GRM7: variants seen among roughly 807,000 people sequenced by gnomAD.
The protein encoded by GRM7 is glutamate metabotropic receptor 7.
A neutral mutation model predicts 84.5 loss-of-function variants in GRM7; 35 were observed. That is an observed-to-expected ratio of 0.41 (90% confidence interval 0.32 to 0.55). The LOEUF is 0.55. GRM7 is among the 20% of genes least tolerant of loss of function. GRM7 has a pLI of 0.19. For missense variants in GRM7, 1,003 were observed against 1,194.6 expected (o/e 0.84, Z 2.36); for synonymous variants, 487 against 455.1 (o/e 1.07, Z -0.89).
chr3:7,303,117 T>A (rs1176312121), intron 3 of GRM7, among the ~76,000 whole-genome samples: 2 of 152,042 alleles, frequency 1.3e-5, no homozygotes, highest in Non-Finnish European at 2.9e-5. Flanking sequence ...ATTTTTTGTA[T>A]TTTTAGTAGA....
At chr3:7,715,445 G>A (rs916096831) in intron 9 of GRM7, among the ~76,000 whole-genome samples, 18 of 152,208 alleles carry the variant, frequency 1.2e-4, no homozygotes, top group African/African-American at 3.9e-4. Context: ...TGCACTCCAC[G>A]CCATAGCATG....
At chr3:7,016,066 T>G (rs7618803) in intron 1 of GRM7, among the ~76,000 whole-genome samples, 65,396 of 152,004 alleles carry the variant, frequency 0.43, 14,540 homozygotes, top group South Asian at 0.58. Context: ...CAAAGTCATT[T>G]AGCTGTAAAT....
intron 4 of GRM7, among the ~76,000 whole-genome samples, chr3:7,405,422 G>A (rs1214010709): frequency 6.6e-6 from 1 of 152,140 alleles, no homozygotes; most frequent in Non-Finnish European, 1.5e-5. Context: ...ATTATATGTA[G>A]TGATCAATCA....
At chr3:7,587,839 G>A (rs1027222415) in intron 8 of GRM7, among the ~76,000 whole-genome samples, 9 of 152,138 alleles carry the variant, frequency 5.9e-5, no homozygotes, top group Non-Finnish European at 4.4e-5. Context: ...GAATCCCTTA[G>A]AGCAAAAGTT....
chr3:6,998,781 G>A (rs374540780), intron 1 of GRM7, among the ~76,000 whole-genome samples: 10 of 152,286 alleles, frequency 6.6e-5, no homozygotes, highest in East Asian at 3.9e-4. Flanking sequence ...CTGTACCTTG[G>A]CCCCTTTTAG....
At position 6,862,003 on chromosome 3, in the gene GRM7, A is replaced by T; in HGVS notation, c.519+96A>T. The T allele has an allele frequency of 9.7e-7, 1 of 1,027,642 alleles. No homozygotes were observed. Among genetic ancestry groups the T allele is most frequent in the Non-Finnish European group, 1.4e-6 (1 of 704,988 alleles). 63.7% of individuals were successfully genotyped at this position (1,027,642 alleles called of 1,614,324 possible). A position where few individuals can be genotyped will look rare whatever the true frequency, so the allele number is the denominator to read the frequency against. On this transcript the variant is annotated intron_variant, in intron 1 of 9. Coordinates refer to ENST00000357716, the MANE Select transcript of GRM7 (RefSeq NM_000844.4). This position sits in a 1 kb window ranked among gnomAD's most constrained non-coding sequence, Gnocchi z 5.2. ...GGACTCCGGTGGTGCGGGTCAGGTCAGCCTTCGCTCATTTCCTCCCTGGAG... is the reference window on the plus strand; with the variant it reads ...GGACTCCGGTGGTGCGGGTCAGGTCTGCCTTCGCTCATTTCCTCCCTGGAG...
intron 2 of GRM7, among the ~76,000 whole-genome samples, chr3:7,250,605 C>G (rs1249127136): frequency 6.6e-6 from 1 of 152,112 alleles, no homozygotes; most frequent in African/African-American, 2.4e-5. Flanking sequence ...CTCACTGTAA[C>G]CGCCACCTCC....
At chr3:6,997,138 G>C (rs569548534) in intron 1 of GRM7, among the ~76,000 whole-genome samples, 1 of 151,798 alleles carries the variant, frequency 6.6e-6, no homozygotes, top group Non-Finnish European at 1.5e-5. Context: ...AGCTCATTTG[G>C]CCTCTTATTT....
At chr3:7,042,042 C>T (rs954335153) in intron 1 of GRM7, among the ~76,000 whole-genome samples, 3 of 152,174 alleles carry the variant, frequency 2.0e-5, no homozygotes, top group African/African-American at 7.2e-5. Flanking sequence ...AACATGGAAG[C>T]TTCCCTACCT....
intron 2 of GRM7, among the ~76,000 whole-genome samples, chr3:7,248,608 A>G (rs976431393): frequency 6.6e-6 from 1 of 151,978 alleles, no homozygotes; most frequent in Admixed American, 6.6e-5. Context: ...ATTTTATTTG[A>G]AAAAAAAGAT....
At chr3:7,671,546 G>A (rs1271544257) in intron 8 of GRM7, among the ~76,000 whole-genome samples, 1 of 150,906 alleles carries the variant, frequency 6.6e-6, no homozygotes, top group African/African-American at 2.4e-5. Context: ...TGTCTGCCTG[G>A]AGATGTTAAA....
At chr3:6,987,571 C>T (rs1431011314) in intron 1 of GRM7, among the ~76,000 whole-genome samples, 4 of 152,078 alleles carry the variant, frequency 2.6e-5, no homozygotes, top group Non-Finnish European at 5.9e-5. Context: ...CAGGAGTGAA[C>T]GTGAGCATTC....
intron 1 of GRM7, among the ~76,000 whole-genome samples, chr3:7,048,740 A>G (rs1532545): frequency 0.58 from 88,107 of 151,498 alleles, 27,777 homozygotes; most frequent in African/African-American, 0.85. Context: ...TGGTACGAAC[A>G]CTTAAAGTCT....
chr3:7,349,738 T>C (rs756590519), intron 4 of GRM7, among the ~76,000 whole-genome samples: 26 of 152,168 alleles, frequency 1.7e-4, no homozygotes, highest in Middle Eastern at 3.2e-3. Context: ...CAAACAAGTT[T>C]ATATTTGAGC....
At chr3:7,255,012 G>A (rs992629947) in intron 2 of GRM7, among the ~76,000 whole-genome samples, 5 of 152,184 alleles carry the variant, frequency 3.3e-5, no homozygotes, top group African/African-American at 1.2e-4. Flanking sequence ...TTTGAGGGAT[G>A]AGCAAAGATT....
At chr3:7,508,692 T>G (rs1700107492) in intron 7 of GRM7, among the ~76,000 whole-genome samples, 1 of 152,200 alleles carries the variant, frequency 6.6e-6, no homozygotes, top group Non-Finnish European at 1.5e-5. Flanking sequence ...AAACGGTTCT[T>G]ACGGCATTTC....
rs563966923 is a variant in GRM7 at position 7,162,115 on chromosome 3, A to G, written c.736+15447A>G. Among the ~76,000 whole-genome samples the G allele has an allele frequency of 2.6e-5, 4 of 152,308 alleles. No individual in the cohort carries two copies. The East Asian group carries it at 7.7e-4, about 29-fold the overall frequency. ...GTAGGGATCGAGAGCCCTATTTTAG[A>G]CTTGTGAGGCTTGAAATGCCTACAG... On this transcript the variant is annotated intron_variant, in intron 2 of 9. Coordinates refer to ENST00000357716, the MANE Select transcript of GRM7 (RefSeq NM_000844.4).
chr3:6,901,232 GAGA>G (rs1257053471), intron 1 of GRM7, among the ~76,000 whole-genome samples: 2 of 152,134 alleles, frequency 1.3e-5, no homozygotes, highest in East Asian at 3.9e-4. Flanking sequence ...AGATCCATCT[GAGA>G]AGTACAAATA....
rs934691877 is a variant in GRM7, at chr3:6,987,849, G to A, written c.519+125942G>A. On this transcript the variant is annotated intron_variant, in intron 1 of 9. Coordinates refer to ENST00000357716, the MANE Select transcript of GRM7 (RefSeq NM_000844.4). ...CTAGCCCAGGGGAAATCTGACAGTG[G>A]TCTAGGCCAGGATGGTAGCCATGGA... Among the ~76,000 whole-genome samples the A allele has an allele frequency of 2.6e-5, 4 of 152,120 alleles. No individual in the cohort carries two copies. In the East Asian group the frequency reaches 5.8e-4, roughly 22 times the overall value.
Sources: allele counts gnomAD v4.1 joint callset (sites outside exome capture counted in the v4.1 genomes callset), GRCh38; gene constraint gnomAD v4.1.1; non-coding constraint Gnocchi (gnomAD v3.1); transcripts MANE v1.5; gene names NCBI Gene and HGNC (gene_info 2026-07-23, HGNC 2026-07-21).